Variants in DMD observed in about 807,000 individuals in gnomAD.
DMD encodes mutant dystrophin.
DMD carries 63 observed loss-of-function variants against 330.1 expected under a neutral mutation model. The observed-to-expected ratio is 0.19, with a 90% CI of 0.16 to 0.24. The LOEUF is 0.24. Among genes scored for constraint, DMD ranks in the 10% least tolerant of loss-of-function variants. DMD has a pLI of 1.00. For missense variants in DMD, 3,344 were observed against 2,684.1 expected (o/e 1.25, Z -5.43); for synonymous variants, 1,223 against 959.8 (o/e 1.27, Z -5.07).
intron 44 of DMD, among the ~76,000 whole-genome samples, chrX:32,071,189 A>T (rs1421338996): frequency 7.2e-5 from 8 of 110,385 alleles, no homozygotes; most frequent in South Asian, 3.9e-4. Context: ...CAGTAATGGG[A>T]TGGCTGGGTC....
At chrX:33,103,339 TGGCC>T (rs2095256888) in intron 1 of DMD, among the ~76,000 whole-genome samples, 2 of 111,233 alleles carry the variant, frequency 1.8e-5, no homozygotes, top group Admixed American at 9.6e-5. Context: ...TACGCCCAGA[TGGCC>T]TGAAGTAACT....
intron 44 of DMD, among the ~76,000 whole-genome samples, chrX:31,977,893 A>G (rs1393273311): frequency 1.8e-5 from 2 of 111,153 alleles, no homozygotes; most frequent in Non-Finnish European, 3.8e-5. Flanking sequence ...TATAAGCCAG[A>G]GGAACCTAAG....
chrX:32,188,197 T>A (rs2096956241), intron 44 of DMD, among the ~76,000 whole-genome samples: 1 of 109,827 alleles, frequency 9.1e-6, no homozygotes, highest in African/African-American at 3.3e-5. Flanking sequence ...ATATTGTTAT[T>A]ATTAACCTCC....
At chrX:31,817,751 A>T (rs2092668771) in intron 50 of DMD, among the ~76,000 whole-genome samples, 1 of 111,484 alleles carries the variant, frequency 9.0e-6, no homozygotes, top group Non-Finnish European at 1.9e-5. Flanking sequence ...GAAGTAGGGC[A>T]GTGCTATGAA....
intron 44 of DMD, among the ~76,000 whole-genome samples, chrX:32,163,629 A>T (rs779289025): frequency 8.9e-6 from 1 of 111,971 alleles, no homozygotes; most frequent in Non-Finnish European, 1.9e-5. Context: ...GCATAGAATG[A>T]CAGACACAGA....
chrX:32,777,638 T>A (rs752333927), intron 7 of DMD, among the ~76,000 whole-genome samples: 4 of 111,776 alleles, frequency 3.6e-5, no homozygotes, highest in Non-Finnish European at 5.6e-5. Context: ...AACAGATTAC[T>A]CCTTTCTATT....
chrX:31,540,850 G>A (rs745498307), intron 55 of DMD, among the ~76,000 whole-genome samples: 58 of 111,915 alleles, frequency 5.2e-4, no homozygotes, highest in Admixed American at 1.9e-4. Flanking sequence ...AAATAGAAAC[G>A]CTGCTAAAAT....
At position 32,345,962 on chromosome X, in the gene DMD, G is replaced by A. The variant is rs148246460; in HGVS notation, c.5567C>T (p.Thr1856Ile). 2.5e-6 allele frequency: 3 copies of A among 1,204,420 alleles called. No homozygotes were observed. Among genetic ancestry groups the A allele is most frequent in the Non-Finnish European group, 3.4e-6 (3 of 892,803 alleles). Residue 1856 changes from threonine to isoleucine, a missense_variant, in exon 39 of 79, where the codon ACA (threonine) becomes ATA (isoleucine). Transcript: ENST00000357033. ...EIKIKQQLLQ[T>I]KHNALKDLRS... The stretch of plus-strand genomic sequence containing the variant: ...TAATACCTTGAGAGCATTATGTTTT[G>A]TCTGTAACAGCTGCTGTTTTATCTT...
chrX:31,579,877 A>G (rs2076264728), intron 55 of DMD, among the ~76,000 whole-genome samples: 1 of 112,160 alleles, frequency 8.9e-6, no homozygotes. Flanking sequence ...TTAAAATGAA[A>G]GTGTTGGCAG....
chrX:32,235,505 G>A (rs1207351120), intron 43 of DMD, among the ~76,000 whole-genome samples: 1 of 110,723 alleles, frequency 9.0e-6, no homozygotes, highest in Non-Finnish European at 1.9e-5. Flanking sequence ...GAGGTACCCT[G>A]CCATAAAATA....
intron 1 of DMD, among the ~76,000 whole-genome samples, chrX:33,187,096 T>C (rs1021232100): frequency 1.3e-4 from 15 of 112,207 alleles, no homozygotes; most frequent in African/African-American, 4.8e-4. Flanking sequence ...TGAACATTGA[T>C]TTAATATCAT....
intron 52 of DMD, among the ~76,000 whole-genome samples, chrX:31,715,980 G>C (rs746227502): frequency 2.7e-5 from 3 of 111,936 alleles, no homozygotes; most frequent in Non-Finnish European, 5.6e-5. Flanking sequence ...AGTATTTATG[G>C]CATTCCCGTT....
At chrX:31,361,894 C>T (rs964123089) in intron 60 of DMD, among the ~76,000 whole-genome samples, 4 of 109,861 alleles carry the variant, frequency 3.6e-5, no homozygotes, top group African/African-American at 1.3e-4. Flanking sequence ...CTCAGCCTCC[C>T]GAGTACCCGG....
At chrX:32,506,059 T>C (rs757982761) in intron 18 of DMD, among the ~76,000 whole-genome samples, 1 of 112,139 alleles carries the variant, frequency 8.9e-6, no homozygotes, top group East Asian at 2.8e-4. Flanking sequence ...AGGATTTTTA[T>C]GGCAGTGAAA....
At chrX:32,491,731 A>AT (rs2043017546) in intron 19 of DMD, among the ~76,000 whole-genome samples, 1 of 112,078 alleles carries the variant, frequency 8.9e-6, no homozygotes, top group Non-Finnish European at 1.9e-5. Context: ...TATCAATGCC[A>AT]TCAAGTAATA....
intron 37 of DMD, among the ~76,000 whole-genome samples, chrX:32,353,205 C>G (rs1045384106): frequency 1.4e-4 from 16 of 111,303 alleles, no homozygotes; most frequent in Non-Finnish European, 1.9e-5. Flanking sequence ...CATTGCTTTT[C>G]TTAAGAGTTC....
At chrX:33,107,448 G>A (rs73453817) in intron 1 of DMD, among the ~76,000 whole-genome samples, 133 of 109,634 alleles carry the variant, frequency 1.2e-3, no homozygotes, top group African/African-American at 4.3e-3. Flanking sequence ...TTATTAGGAA[G>A]GCAGTAGCAG....
intron 2 of DMD, among the ~76,000 whole-genome samples, chrX:32,999,284 G>C (rs1332120830): frequency 1.8e-5 from 2 of 112,010 alleles, no homozygotes; most frequent in African/African-American, 6.5e-5. Flanking sequence ...GAAACATCAT[G>C]AGATATTTTT....
chrX:32,882,272 C>G (rs1210492638), intron 2 of DMD, among the ~76,000 whole-genome samples: 2 of 111,467 alleles, frequency 1.8e-5, no homozygotes, highest in Non-Finnish European at 3.8e-5. Context: ...TAATTCTAAC[C>G]TTTTGTCTTC....
Sources: allele counts gnomAD v4.1 joint callset (sites outside exome capture counted in the v4.1 genomes callset), GRCh38; gene constraint gnomAD v4.1.1; transcripts MANE v1.5; gene names NCBI Gene and HGNC (gene_info 2026-07-23, HGNC 2026-07-21).